Variants in HAAO observed in about 807,000 individuals in gnomAD.
HAAO encodes 3-hydroxyanthranilate oxygenase.
HAAO carries 49 observed loss-of-function variants against 46.2 expected under a neutral mutation model. That is an observed-to-expected ratio of 1.06 (90% CI 0.84 to 1.34). HAAO has a LOEUF of 1.34. HAAO is among the 40% of genes most tolerant of loss of function. HAAO has a pLI of 0.00. For synonymous variants in HAAO, 157 were observed against 145.2 expected (o/e 1.08, Z -0.58); for missense variants, 408 against 364.5 (o/e 1.12, Z -0.97).
At chr2:42,773,513 C>G (rs1671305093) in intron 4 of HAAO, among the ~76,000 whole-genome samples, 1 of 151,964 alleles carries the variant, frequency 6.6e-6, no homozygotes, top group African/African-American at 2.4e-5. Context: ...AGGAAAATAT[C>G]TTGGGCCCCG....
intron 1 of HAAO, among the ~76,000 whole-genome samples, chr2:42,791,487 A>G (rs1316287328): frequency 7.0e-6 from 1 of 143,512 alleles, no homozygotes; most frequent in Non-Finnish European, 1.5e-5. Context: ...ACTGTTGGCC[A>G]TGTGGTATTG....
At chr2:42,767,985 C>G (rs1670799915) in intron 7 of HAAO, 57 bp from the exon 8 acceptor site, 2 of 1,490,368 alleles carry the variant, frequency 1.3e-6, no homozygotes, top group Non-Finnish European at 1.9e-6. Flanking sequence ...GGGAGATGGT[C>G]TTGAACCTGG....
chr2:42,774,861 A>G (rs1353192755), intron 4 of HAAO, among the ~76,000 whole-genome samples: 1 of 152,018 alleles, frequency 6.6e-6, no homozygotes, highest in Non-Finnish European at 1.5e-5. Flanking sequence ...GATCAGCTCT[A>G]CCTGACTTGA....
intron 4 of HAAO, among the ~76,000 whole-genome samples, chr2:42,777,105 C>T (rs970852296): frequency 5.9e-5 from 9 of 151,320 alleles, no homozygotes; most frequent in African/African-American, 2.2e-4. Context: ...GGTTTGAGAC[C>T]AGCCTGGCCA....
chr2:42,786,941 G>T (rs1672432202), intron 2 of HAAO, among the ~76,000 whole-genome samples: 1 of 152,134 alleles, frequency 6.6e-6, no homozygotes, highest in Non-Finnish European at 1.5e-5. Context: ...GCATCCTGGA[G>T]TCTCCCCAGG....
At chr2:42,769,623 G>A (rs200218792) in intron 7 of HAAO, 90 bp downstream of exon 7, 4 of 79,338 alleles carry the variant, frequency 5.0e-5, no homozygotes, top group Non-Finnish European at 6.5e-5. Flanking sequence ...GTGTGAAAGA[G>A]AGAGAGAGAG....
rs1209376395 is a variant in HAAO at position 42,769,784 on chromosome 2, G to A, written c.559C>T (p.Leu187=). ...TGCAGCTCCCTGTGGTGGCTGTCCA[G>A]CCAGGCATCCAGGGACATGGGCTCC... ...IMEPMSLDAW[L]DSHHRELQAG... The change falls in exon 7 of 10, where the codon CTG becomes TTG. Residue 187 remains leucine (L), a synonymous_variant. Transcript: ENST00000294973. 1.2e-6 allele frequency: 2 copies of A among 1,614,028 alleles called. No homozygotes were observed. Among genetic ancestry groups the A allele is most frequent in the Non-Finnish European group, 1.7e-6 (2 of 1,179,968 alleles).
chr2:42,783,965 CT>C (rs1162754448), intron 2 of HAAO, 98 bp from the exon 3 acceptor site: 12 of 1,535,070 alleles, frequency 7.8e-6, no homozygotes, highest in Middle Eastern at 1.7e-4. Context: ...ACCTGAGAAA[CT>C]TTCTGAAGGC....
At chr2:42,770,421 T>C in intron 5 of HAAO, 72 bp downstream of exon 5, 1 of 1,158,664 alleles carries the variant, frequency 8.6e-7, no homozygotes, top group Non-Finnish European at 1.2e-6. Context: ...AGGGGAGACT[T>C]TCTCCCAGGG....
chr2:42,783,946 G>A, intron 2 of HAAO, 79 bp from the exon 3 acceptor site: 1 of 1,547,644 alleles, frequency 6.5e-7, no homozygotes, highest in Non-Finnish European at 8.7e-7. Flanking sequence ...CCTGAATTCT[G>A]ACCGGGAAAC....
intron 4 of HAAO, among the ~76,000 whole-genome samples, chr2:42,776,419 G>T (rs1044648410): frequency 6.6e-6 from 1 of 151,506 alleles, no homozygotes; most frequent in Non-Finnish European, 1.5e-5. Context: ...TGCATTTTTA[G>T]TAGAGATGGG....
intron 2 of HAAO, among the ~76,000 whole-genome samples, chr2:42,784,150 C>T (rs1280118885): frequency 6.6e-6 from 1 of 152,184 alleles, no homozygotes; most frequent in African/African-American, 2.4e-5. Context: ...ATGAAATGCT[C>T]ACTGGGGAAC....
At chr2:42,774,503 C>G (rs1056364134) in intron 4 of HAAO, among the ~76,000 whole-genome samples, 6 of 152,074 alleles carry the variant, frequency 3.9e-5, no homozygotes, top group African/African-American at 1.2e-4. Flanking sequence ...TGGAGTTTTA[C>G]TTGTTTCCAA....
chr2:42,772,528 G>T (rs1387175274), intron 4 of HAAO, among the ~76,000 whole-genome samples: 2 of 151,068 alleles, frequency 1.3e-5, no homozygotes, highest in East Asian at 3.9e-4. Context: ...AGTAAAAAAA[G>T]ATATAGGTAA....
At chr2:42,771,097 C>G (rs2104640382) in intron 4 of HAAO, among the ~76,000 whole-genome samples, 1 of 152,248 alleles carries the variant, frequency 6.6e-6, no homozygotes, top group South Asian at 2.1e-4. Flanking sequence ...ACCAACATGG[C>G]CGGGCGCAGT....
intron 4 of HAAO, among the ~76,000 whole-genome samples, chr2:42,781,013 C>T (rs1671955351): frequency 6.6e-6 from 1 of 151,828 alleles, no homozygotes; most frequent in Admixed American, 6.6e-5. Flanking sequence ...GGAGGCGGAG[C>T]TTGCAGTGAG....
chr2:42,792,549 C>A lies in HAAO; in HGVS notation c.-13G>T. 6.5e-7 allele frequency: 1 copy of A among 1,545,472 alleles called. No individual in the cohort carries two copies. Among genetic ancestry groups the A allele is most frequent in the Non-Finnish European group, 8.7e-7 (1 of 1,148,584 alleles). On this transcript the variant is annotated 5_prime_UTR_variant, in exon 1 of 10. Coordinates refer to ENST00000294973, the MANE Select transcript of HAAO (RefSeq NM_012205.3). ...GGCGGCGCTCCATGACTGTCCCGGGCGCCTCCTCGCAGCGCTGTCCTCCCG... is the reference window on the plus strand; with the variant it reads ...GGCGGCGCTCCATGACTGTCCCGGGAGCCTCCTCGCAGCGCTGTCCTCCCG...
intron 7 of HAAO, among the ~76,000 whole-genome samples, chr2:42,769,432 C>G (rs1479232747): frequency 6.6e-6 from 1 of 152,182 alleles, no homozygotes; most frequent in Non-Finnish European, 1.5e-5. Context: ...GGGGAACCTC[C>G]AACTCTGAAA....
intron 4 of HAAO, 137 bp from the exon 5 acceptor site, chr2:42,770,719 GTCA>G: frequency 1.8e-6 from 1 of 556,010 alleles, no homozygotes; most frequent in Non-Finnish European, 3.2e-6. Context: ...CACCCTAGTG[GTCA>G]CTGGTCACTT....
Sources: gnomAD v4.1 joint callset for allele counts (sites outside exome capture counted in the v4.1 genomes callset) on GRCh38, gnomAD v4.1.1 for gene constraint, MANE v1.5 for transcripts, NCBI Gene and HGNC (gene_info 2026-07-23, HGNC 2026-07-21) for gene names.